Variants in SEC14L5 observed in about 807,000 individuals in gnomAD.
SEC14L5 encodes the protein SEC14-like protein 5.
A neutral mutation model predicts 84.6 loss-of-function variants in SEC14L5; 96 were observed. The observed-to-expected ratio is 1.13, with a 90% CI of 0.96 to 1.34. SEC14L5 has a LOEUF of 1.34. SEC14L5 is among the 40% of genes most tolerant of loss of function. The pLI, the probability that SEC14L5 is intolerant of heterozygous loss-of-function variation, is 0.00. For synonymous variants in SEC14L5, 546 were observed against 383.4 expected (o/e 1.42, Z -4.95); for missense variants, 1,224 against 942.5 (o/e 1.30, Z -3.91).
At chr16:5,009,244 G>C (rs1040915382) in intron 14 of SEC14L5, among the ~76,000 whole-genome samples, 2 of 151,990 alleles carry the variant, frequency 1.3e-5, no homozygotes, top group African/African-American at 4.8e-5. Context: ...TCTCTTCTGA[G>C]TCTCAAATCT....
chr16:5,004,116 G>A lies in SEC14L5; in HGVS notation c.1302+543G>A, dbSNP rs530976690. ...TGGAGGAACTGAAGAAACAGTCCAG[G>A]GTGGCTGAGCAAAAAAGAGCAAAAG... On this transcript the variant is annotated intron_variant, in intron 11 of 15. Transcript: ENST00000251170. 2.3e-4 allele frequency among the ~76,000 whole-genome samples: 35 copies of A among 152,334 alleles called. 1 individual carries two copies. In the Middle Eastern group the frequency reaches 0.02, roughly 89 times the overall value.
chr16:4,996,168 T>C (rs1020800381), intron 6 of SEC14L5, among the ~76,000 whole-genome samples, 180 bp from the exon 7 acceptor site: 4 of 152,068 alleles, frequency 2.6e-5, no homozygotes, highest in African/African-American at 9.7e-5. Flanking sequence ...CCCTTGGACA[T>C]GGGCTGGAGA....
intron 2 of SEC14L5, among the ~76,000 whole-genome samples, chr16:4,981,180 G>A (rs113412261): frequency 6.6e-6 from 1 of 150,832 alleles, no homozygotes; most frequent in East Asian, 1.9e-4. Flanking sequence ...GCAGTGGTGC[G>A]ATCTCCACTC....
rs1187261805 is a variant in SEC14L5, at chr16:4,978,606, T to C, written c.64-8951T>C. 2.8e-4 allele frequency among the ~76,000 whole-genome samples: 41 copies of C among 146,278 alleles called. 1 individual carries two copies. The Admixed American group carries it at 2.9e-3, about 10-fold the overall frequency. On this transcript the variant is annotated intron_variant, in intron 2 of 15. Coordinates refer to ENST00000251170, the MANE Select transcript of SEC14L5 (RefSeq NM_014692.2). The stretch of plus-strand genomic sequence containing the variant: ...GGTAATTTTCTTTTTTAAAAATATT[T>C]ATGTATTTATTTTTGAGATGGAGTC...
intron 2 of SEC14L5, chr16:4,960,883 C>T (rs1955112858): frequency 6.6e-6 from 1 of 152,246 alleles, no homozygotes; most frequent in Non-Finnish European, 1.5e-5. Context: ...GGGAGTGGAA[C>T]ACCAGGGGAT....
chr16:4,958,663 TG>T (rs1209220213), intron 1 of SEC14L5, among the ~76,000 whole-genome samples: 2 of 152,228 alleles, frequency 1.3e-5, no homozygotes, highest in Non-Finnish European at 2.9e-5. Context: ...TGTGCACGTC[TG>T]TGCACACCAG....
At chr16:4,994,309 T>TG (rs963595277) in intron 6 of SEC14L5, among the ~76,000 whole-genome samples, 13 of 152,208 alleles carry the variant, frequency 8.5e-5, no homozygotes, top group African/African-American at 3.1e-4. Flanking sequence ...ATAATACATC[T>TG]GGGGCTCTGT....
In SEC14L5 at chr16:5,014,850, CCT is replaced by C. The variant is rs1955853401; in HGVS notation, c.1980-7_1980-6del. 6.2e-7 allele frequency: 1 copy of C among 1,610,682 alleles called. No homozygotes were observed. Among genetic ancestry groups the C allele is most frequent in the African/African-American group, 1.3e-5 (1 of 74,898 alleles). On this transcript the variant is annotated splice_polypyrimidine_tract_variant and splice_region_variant and intron_variant, in intron 15 of 15. Coordinates refer to ENST00000251170, the MANE Select transcript of SEC14L5 (RefSeq NM_014692.2). ...AGAGGGTAACGTGTGCCACGCCCTT[CCT>C]CCCCAGGGGCTCCATGTCCAGCCTG...
chr16:4,987,273 TA>T (rs1452226284), intron 2 of SEC14L5, among the ~76,000 whole-genome samples: 2 of 152,034 alleles, frequency 1.3e-5, no homozygotes, highest in Non-Finnish European at 2.9e-5. Flanking sequence ...TACCTTATTT[TA>T]AAATGTCCCC....
intron 2 of SEC14L5, among the ~76,000 whole-genome samples, chr16:4,962,043 C>T (rs1284834548): frequency 6.6e-6 from 1 of 151,564 alleles, no homozygotes; most frequent in Non-Finnish European, 1.5e-5. Context: ...CGCATATAGG[C>T]ATACAGTCAT....
Position 4,959,257 on chromosome 16 carries a change from T to C in SEC14L5, c.-51-16T>C. On this transcript the variant is annotated splice_polypyrimidine_tract_variant and intron_variant, in intron 1 of 15. Coordinates refer to ENST00000251170, the MANE Select transcript of SEC14L5 (RefSeq NM_014692.2). Reference sequence around the variant, plus strand: ...GAGGTGGGAGCTGCAACCTCACCAGTCACTCCTCGCCCCAGGCTCTGTGCA... The same window carrying C: ...GAGGTGGGAGCTGCAACCTCACCAGCCACTCCTCGCCCCAGGCTCTGTGCA... 1 of 1,283,232 alleles carries C rather than the reference T, an allele frequency of 7.8e-7. No individual in the cohort carries two copies. The highest frequency in any genetic ancestry group is 1.7e-5 in the Admixed American group (1 of 58,994). 79.5% of individuals were successfully genotyped at this position (1,283,232 alleles called of 1,614,324 possible). A position where few individuals can be genotyped will look rare whatever the true frequency, so the allele number is the denominator to read the frequency against.
Position 5,005,943 on chromosome 16 carries a change from G to C in SEC14L5, c.1332G>C (p.Arg444Ser). ...GCCCCTTCATCAATGAGAACACCAG[G>C]CGGAAGTTCCTCATCTACAGTGGCA... The part of the protein sequence containing the change: ...LISPFINENT[R>S]RKFLIYSGSN... Residue 444 changes from arginine (R) to serine (S), a missense_variant, in exon 12 of 16, where the codon AGG (arginine) becomes AGC (serine). Coordinates refer to ENST00000251170, the MANE Select transcript of SEC14L5 (RefSeq NM_014692.2). The C allele has an allele frequency of 6.2e-7, 1 of 1,607,504 alleles. No individual in the cohort carries two copies. The highest frequency in any genetic ancestry group is 8.5e-7 in the Non-Finnish European group (1 of 1,177,044).
intron 10 of SEC14L5, among the ~76,000 whole-genome samples, chr16:5,001,481 G>A (rs1430703464): frequency 2.0e-5 from 3 of 151,934 alleles, no homozygotes; most frequent in African/African-American, 4.8e-5. Context: ...GAATGGTCTC[G>A]GTCTCCTGAC....
At chr16:5,013,734 T>C (rs956167827) in intron 15 of SEC14L5, among the ~76,000 whole-genome samples, 7 of 152,074 alleles carry the variant, frequency 4.6e-5, no homozygotes, top group South Asian at 2.1e-4. Context: ...AATTTTTATA[T>C]TTTTAGTGGA....
In SEC14L5 at chr16:5,008,401, C is replaced by A. The variant is rs200692060; in HGVS notation, c.1573-20C>A. ...TACTCTCTCGGCCGTGACTCTCAGACCTCGCCTGTCTCCACACAGGTGGCC... is the reference window on the plus strand; with the variant it reads ...TACTCTCTCGGCCGTGACTCTCAGAACTCGCCTGTCTCCACACAGGTGGCC... On this transcript the variant is annotated intron_variant, in intron 13 of 15. Transcript: ENST00000251170. 1.6e-4 allele frequency: 251 copies of A among 1,577,832 alleles called. 1 individual carries two copies. In the Middle Eastern group the frequency reaches 2.5e-3, roughly 15 times the overall value.
chr16:4,988,097 G>C, intron 3 of SEC14L5, 52 bp from the exon 4 acceptor site: 1 of 1,604,144 alleles, frequency 6.2e-7, no homozygotes. Flanking sequence ...CTCCATTCCT[G>C]TGTGCTCCAC....
At chr16:4,982,211 C>A (rs946402309) in intron 2 of SEC14L5, among the ~76,000 whole-genome samples, 1 of 152,048 alleles carries the variant, frequency 6.6e-6, no homozygotes, top group Non-Finnish European at 1.5e-5. Flanking sequence ...TTCCTCGGCC[C>A]CCCCCTCCCC....
At chr16:4,982,214 C>G (rs1018926934) in intron 2 of SEC14L5, among the ~76,000 whole-genome samples, 1 of 152,098 alleles carries the variant, frequency 6.6e-6, no homozygotes, top group African/African-American at 2.4e-5. Flanking sequence ...CTCGGCCCCC[C>G]CCTCCCCCCG....
chr16:5,003,622 G>GTTT, intron 11 of SEC14L5, 49 bp downstream of exon 11: 1 of 406,246 alleles, frequency 2.5e-6, no homozygotes, highest in Non-Finnish European at 4.9e-6. Flanking sequence ...TGGGTGGGAT[G>GTTT]GGAGGGGTTC....
Sources: allele counts gnomAD v4.1 joint callset (sites outside exome capture counted in the v4.1 genomes callset), GRCh38; gene constraint gnomAD v4.1.1; transcripts MANE v1.5; gene names NCBI Gene and HGNC (gene_info 2026-07-23, HGNC 2026-07-21).